Variants in OTX2 observed in about 807,000 individuals in gnomAD.
OTX2 encodes the protein orthodenticle homeobox 2.
OTX2 carries 4 observed loss-of-function variants against 29.0 expected under a neutral mutation model. The ratio of observed to expected loss-of-function variants is 0.14; its 90% CI spans 0.07 to 0.32. The LOEUF (loss-of-function observed/expected upper bound fraction) is 0.32. Ranked by LOEUF, OTX2 falls within the 10% of genes least tolerant of loss-of-function variation. OTX2 has a pLI of 1.00. For missense variants in OTX2, 298 were observed against 365.9 expected, an observed-to-expected ratio of 0.81 and a Z score of 1.51; for synonymous variants, 134 against 141.0, an observed-to-expected ratio of 0.95 and a Z score of 0.35.
At chr14:56,803,883 T>A (rs1016738591) in intron 4 of OTX2, among the ~76,000 whole-genome samples, 3 of 152,224 alleles carry the variant, frequency 2.0e-5, no homozygotes, top group African/African-American at 4.8e-5. Context: ...TCCATGAGAA[T>A]AGGAGAGGAT....
chr14:56,804,170 T>A lies in OTX2; in HGVS notation c.273+18A>T, dbSNP rs747205034. The A allele has an allele frequency of 1.3e-5, 21 of 1,614,078 alleles. No individual in the cohort carries two copies. The highest frequency in any genetic ancestry group is 1.8e-5 in the Non-Finnish European group (21 of 1,179,940). On this transcript the variant is annotated intron_variant, in intron 4 of 4. Coordinates refer to ENST00000672264, the MANE Select transcript of OTX2 (RefSeq NM_021728.4). This position sits in a 1 kb window ranked among gnomAD's most constrained non-coding sequence, Gnocchi z 4.1. ...GTGGCATGATCAGGAAGGATGGTTC[T>A]GCCTGCATCTGCCCTACCTGCACCC...
intron 2 of OTX2, among the ~76,000 whole-genome samples, chr14:56,806,006 A>T (rs1892079935): frequency 6.6e-6 from 1 of 152,172 alleles, no homozygotes; most frequent in Non-Finnish European, 1.5e-5. Flanking sequence ...CTTTGGCTAA[A>T]TAAATAATGC....
At position 56,805,350 on chromosome 14, in the gene OTX2, G is replaced by A; in HGVS notation, c.97+10C>T. 1 of 1,588,378 alleles carries A rather than the reference G, an allele frequency of 6.3e-7. No individual in the cohort carries two copies. The highest frequency in any genetic ancestry group is 8.6e-7 in the Non-Finnish European group (1 of 1,156,682). On this transcript the variant is annotated intron_variant, in intron 3 of 4. Coordinates refer to ENST00000672264, the MANE Select transcript of OTX2 (RefSeq NM_021728.4). The stretch of plus-strand genomic sequence containing the variant: ...AAGAGGGGTGCGGGAGTGCAGCAGG[G>A]CTCACTTACCCGGGTAGCCCACGGA...
chr14:56,805,870 A>G (rs926637864), intron 2 of OTX2, among the ~76,000 whole-genome samples: 2 of 151,726 alleles, frequency 1.3e-5, no homozygotes, highest in Non-Finnish European at 2.9e-5. Flanking sequence ...CCCAAGAACA[A>G]AAACCCGTGC....
chr14:56,803,379 C>T (rs951195756), intron 4 of OTX2, among the ~76,000 whole-genome samples: 1 of 152,230 alleles, frequency 6.6e-6, no homozygotes, highest in Admixed American at 6.5e-5. Flanking sequence ...TCAAGCCTTG[C>T]AAGTGCTAAA....
intron 2 of OTX2, among the ~76,000 whole-genome samples, chr14:56,805,976 A>G (rs1892079177): frequency 6.6e-6 from 1 of 152,156 alleles, no homozygotes; most frequent in Non-Finnish European, 1.5e-5. Context: ...GATTGGGGCC[A>G]TTTGCAGAGA....
At chr14:56,805,031 G>T (rs917709395) in intron 3 of OTX2, among the ~76,000 whole-genome samples, 3 of 152,084 alleles carry the variant, frequency 2.0e-5, no homozygotes, top group Non-Finnish European at 4.4e-5. Flanking sequence ...TTGAGATATG[G>T]GTAGGGGTCT....
In OTX2 at chr14:56,802,539, G is replaced by T. The variant is rs957987683; in HGVS notation, c.274-184C>A. On this transcript the variant is annotated intron_variant, in intron 4 of 4. Coordinates refer to ENST00000672264, the MANE Select transcript of OTX2 (RefSeq NM_021728.4). This position sits in a 1 kb window ranked among gnomAD's most constrained non-coding sequence, Gnocchi z 4.4. ...CTGGACTTGTAAGAAAGTTGGGGAGGCTCTGTCTAAAAACACTTGACACTG... is the reference window on the plus strand; with the variant it reads ...CTGGACTTGTAAGAAAGTTGGGGAGTCTCTGTCTAAAAACACTTGACACTG... Among the ~76,000 whole-genome samples, 4 of 152,128 alleles carry T rather than the reference G, an allele frequency of 2.6e-5. No individual in the cohort carries two copies. Among genetic ancestry groups the T allele is most frequent in the Non-Finnish European group, 4.4e-5 (3 of 68,032 alleles).
At chr14:56,807,483 C>T (rs967557659) in intron 2 of OTX2, among the ~76,000 whole-genome samples, 9 of 152,054 alleles carry the variant, frequency 5.9e-5, no homozygotes, top group Non-Finnish European at 1.0e-4. Context: ...GAGCTCTCAC[C>T]CAATTAGAAA....
In OTX2 at chr14:56,804,436, C is replaced by T; in HGVS notation, c.98-73G>A. On this transcript the variant is annotated intron_variant, in intron 3 of 4. Coordinates refer to ENST00000672264, the MANE Select transcript of OTX2 (RefSeq NM_021728.4). This position sits in a 1 kb window ranked among gnomAD's most constrained non-coding sequence, Gnocchi z 4.1. ...TCTCCGACGCCCCTGCCCTCCACCC[C>T]GCAGCAGTCCCCCGTTCCTCACAGC... 4 of 1,384,238 alleles carry T rather than the reference C, an allele frequency of 2.9e-6. No individual in the cohort carries two copies. The highest frequency in any genetic ancestry group is 3.9e-6 in the Non-Finnish European group (4 of 1,014,920). The allele number at this position is 1,384,238 out of a possible 1,614,324, so 85.7% of individuals were successfully genotyped here. A position where few individuals can be genotyped will look rare whatever the true frequency, so the allele number is the denominator to read the frequency against.
At chr14:56,807,345 T>C (rs556451072) in intron 2 of OTX2, among the ~76,000 whole-genome samples, 14 of 152,280 alleles carry the variant, frequency 9.2e-5, no homozygotes, top group Middle Eastern at 3.4e-3. Flanking sequence ...AAACAGCCTC[T>C]AAACTGGAGA....
At chr14:56,809,190 C>G (rs974855214) in intron 2 of OTX2, among the ~76,000 whole-genome samples, 1 of 152,140 alleles carries the variant, frequency 6.6e-6, no homozygotes, top group African/African-American at 2.4e-5. Flanking sequence ...GTCCCTGGCC[C>G]GGCCGCGGCC....
chr14:56,805,762 G>A (rs1480341686), intron 2 of OTX2, 187 bp from the exon 3 acceptor site: 5 of 322,122 alleles, frequency 1.6e-5, no homozygotes, highest in South Asian at 3.7e-5. Flanking sequence ...GAACTAGAGG[G>A]GATGGAAGGA....
chr14:56,805,587 G>T lies in OTX2; in HGVS notation c.-119-12C>A, dbSNP rs995710328. On this transcript the variant is annotated splice_polypyrimidine_tract_variant and intron_variant, in intron 2 of 4. Coordinates refer to ENST00000672264, the MANE Select transcript of OTX2 (RefSeq NM_021728.4). ...TTGGAGCAGTGGAACTAAGGGCAAA[G>T]CAAACAAACAAACAGAGGGGCTGGT... 6.0e-5 allele frequency: 42 copies of T among 694,932 alleles called. No individual in the cohort carries two copies. The East Asian group carries it at 1.1e-3, about 19-fold the overall frequency. The allele number at this position is 694,932 out of a possible 1,614,324, so 43.0% of individuals were successfully genotyped here.
Position 56,804,475 on chromosome 14 carries a change from G to T in OTX2, c.98-112C>A. On this transcript the variant is annotated intron_variant, in intron 3 of 4. Coordinates refer to ENST00000672264, the MANE Select transcript of OTX2 (RefSeq NM_021728.4). This position sits in a 1 kb window ranked among gnomAD's most constrained non-coding sequence, Gnocchi z 4.1. ...GTTCCTCACAGCCCTTCAGCCGGGA[G>T]CCTACCAATGCTCTCCCCACCGTCT... 3 of 1,006,672 alleles carry T rather than the reference G, an allele frequency of 3.0e-6. No homozygotes were observed. The highest frequency in any genetic ancestry group is 4.3e-6 in the Non-Finnish European group (3 of 699,676). 62.4% of individuals were successfully genotyped at this position (1,006,672 alleles called of 1,614,324 possible).
Position 56,802,205 on chromosome 14 carries a change from G to T in OTX2, c.424C>A (p.Pro142Thr), listed in dbSNP as rs753783256. ...ATGGTCGGGACTGAGGTGCTAGAGGGGGGAGTGAATTGGCCACTTGTTCCA... is the reference window on the plus strand; with the variant it reads ...ATGGTCGGGACTGAGGTGCTAGAGGTGGGAGTGAATTGGCCACTTGTTCCA... The part of the protein sequence containing the change: ...ESGTSGQFTP[P>T]SSTSVPTIAS... Residue 142 changes from proline to threonine, a missense_variant, in exon 5 of 5, where the codon CCC becomes ACC. Coordinates refer to ENST00000672264, the MANE Select transcript of OTX2 (RefSeq NM_021728.4). This position sits in a 1 kb window ranked among gnomAD's most constrained non-coding sequence, Gnocchi z 4.4. 2 of 1,614,130 alleles carry T rather than the reference G, an allele frequency of 1.2e-6. No individual in the cohort carries two copies. Among genetic ancestry groups the T allele is most frequent in the South Asian group, 1.1e-5 (1 of 91,076 alleles).
Position 56,802,219 on chromosome 14 carries a change from C to T in OTX2, c.410G>A (p.Gly137Asp). 1 of 1,614,092 alleles carries T rather than the reference C, an allele frequency of 6.2e-7. No individual in the cohort carries two copies. Among genetic ancestry groups the T allele is most frequent in the Non-Finnish European group, 8.5e-7 (1 of 1,180,018 alleles). Residue 137 changes from glycine (G) to aspartate (D), a missense_variant, in exon 5 of 5, where the codon GGC becomes GAC. By Grantham distance (94) the Gly-to-Asp change is moderately conservative (BLOSUM62 -1). This residue lies in a region of OTX2 where 219 missense variants were observed against 223.5 expected (regional missense o/e 0.98). Transcript: ENST00000672264. The surrounding 1 kb of genome is among the most constrained non-coding windows in gnomAD (Gnocchi z 4.4). ...REVSSESGTS[G>D]QFTPPSSTSV... ...GGTGCTAGAGGGGGGAGTGAATTGGCCACTTGTTCCACTCTCTGAACTCAC... is the reference window on the plus strand; with the variant it reads ...GGTGCTAGAGGGGGGAGTGAATTGGTCACTTGTTCCACTCTCTGAACTCAC...
intron 2 of OTX2, among the ~76,000 whole-genome samples, chr14:56,808,130 T>C (rs1279296856): frequency 6.6e-6 from 1 of 151,720 alleles, no homozygotes; most frequent in Non-Finnish European, 1.5e-5. Context: ...TTTTTTTTCT[T>C]CCAAGAAGCC....
chr14:56,808,642 T>C (rs1316422833), intron 2 of OTX2, among the ~76,000 whole-genome samples: 1 of 152,156 alleles, frequency 6.6e-6, no homozygotes, highest in Non-Finnish European at 1.5e-5. Flanking sequence ...CTGTTGCTAA[T>C]AACTTTTGGT....
Sources: gnomAD v4.1 joint callset for allele counts (sites outside exome capture counted in the v4.1 genomes callset) on GRCh38, gnomAD v4.1.1 for gene constraint, gnomAD v4.1.1 regional missense constraint, Gnocchi (gnomAD v3.1) non-coding constraint, MANE v1.5 for transcripts, NCBI Gene and HGNC (gene_info 2026-07-23, HGNC 2026-07-21) for gene names.